Variants in FAM3C observed in about 807,000 individuals in gnomAD.
FAM3C encodes protein FAM3C.
Under a neutral mutation model 32.5 loss-of-function variants are expected in FAM3C, and 15 were observed. The observed-to-expected ratio is 0.46, with a 90% CI of 0.31 to 0.71. The LOEUF (loss-of-function observed/expected upper bound fraction) is 0.71, where lower values mean the gene tolerates loss of function less well. FAM3C is among the 30% of genes least tolerant of loss of function. FAM3C has a pLI of 0.05. For missense variants in FAM3C, 175 were observed against 274.4 expected, an observed-to-expected ratio of 0.64 and a Z score of 2.56; for synonymous variants, 75 against 86.1, an observed-to-expected ratio of 0.87 and a Z score of 0.72.
intron 1 of FAM3C, among the ~76,000 whole-genome samples, chr7:121,388,761 G>T (rs1307333861): frequency 6.6e-6 from 1 of 151,976 alleles, no homozygotes; most frequent in African/African-American, 2.4e-5. Flanking sequence ...ATCTAAATGT[G>T]GCTAAGAAAC....
chr7:121,370,549 C>A (rs950132206), intron 5 of FAM3C, among the ~76,000 whole-genome samples: 2 of 152,140 alleles, frequency 1.3e-5, no homozygotes, highest in Admixed American at 1.3e-4. Context: ...TTAAAAGCAA[C>A]CAACTAAAAG....
chr7:121,359,804 AAACAT>A (rs1316246595), intron 8 of FAM3C, among the ~76,000 whole-genome samples: 2 of 152,106 alleles, frequency 1.3e-5, no homozygotes, highest in Non-Finnish European at 2.9e-5. Flanking sequence ...TTAAAAAACA[AAACAT>A]AAAAGTATAA....
At chr7:121,388,371 A>C (rs1015308219) in intron 1 of FAM3C, among the ~76,000 whole-genome samples, 1 of 152,054 alleles carries the variant, frequency 6.6e-6, no homozygotes, top group African/African-American at 2.4e-5. Flanking sequence ...ATTTTTAAAG[A>C]ATCAAGCTAA....
At chr7:121,390,082 T>C (rs978344356) in intron 1 of FAM3C, among the ~76,000 whole-genome samples, 2 of 152,204 alleles carry the variant, frequency 1.3e-5, no homozygotes, top group African/African-American at 2.4e-5. Context: ...TGGTAAAAGA[T>C]CTGAAGAACT....
chr7:121,372,142 G>GA lies in FAM3C; in HGVS notation c.119-4dup, dbSNP rs57878748. On this transcript the variant is annotated splice_region_variant and splice_polypyrimidine_tract_variant and intron_variant, in intron 3 of 9. Transcript: ENST00000359943. The stretch of plus-strand genomic sequence containing the variant: ...AGCTGTGTCCAATGCTGATCTTGCT[G>GA]AAAAAAAAAAATTACTTTTGTTAGA... 28,875 of 1,219,630 alleles carry GA rather than the reference G, an allele frequency of 0.024. 6 individuals are homozygous for GA. Among genetic ancestry groups the GA allele is most frequent in the South Asian group, 0.033 (2,125 of 64,196 alleles). The allele number at this position is 1,219,630 out of a possible 1,614,324, so 75.6% of individuals were successfully genotyped here. A position where few individuals can be genotyped will look rare whatever the true frequency, so the allele number is the denominator to read the frequency against.
chr7:121,366,895 G>A (rs1181811954), intron 5 of FAM3C, among the ~76,000 whole-genome samples: 5 of 152,108 alleles, frequency 3.3e-5, no homozygotes, highest in Non-Finnish European at 7.4e-5. Flanking sequence ...TGTGATTAAC[G>A]GGTTAAGTGC....
At chr7:121,369,795 C>T (rs533581659) in intron 5 of FAM3C, among the ~76,000 whole-genome samples, 1 of 152,158 alleles carries the variant, frequency 6.6e-6, no homozygotes, top group East Asian at 1.9e-4. Context: ...CCATCCTAGA[C>T]AGAAGAGTAT....
At chr7:121,380,484 G>A (rs911958352) in intron 2 of FAM3C, among the ~76,000 whole-genome samples, 1 of 151,768 alleles carries the variant, frequency 6.6e-6, no homozygotes, top group Non-Finnish European at 1.5e-5. Flanking sequence ...ATAAGCAAAA[G>A]CTAAACACTG....
intron 2 of FAM3C, among the ~76,000 whole-genome samples, chr7:121,380,730 ATT>A (rs1176978213): frequency 3.9e-5 from 4 of 102,784 alleles, no homozygotes; most frequent in Non-Finnish European, 6.6e-5. Flanking sequence ...ATATACAAAC[ATT>A]TTATATATAT....
At chr7:121,354,499 T>G (rs531798748) in intron 8 of FAM3C, among the ~76,000 whole-genome samples, 2 of 152,296 alleles carry the variant, frequency 1.3e-5, no homozygotes, top group South Asian at 4.1e-4. Context: ...CAGGAATCTG[T>G]GGGTTCTGCC....
chr7:121,350,547 T>G lies in FAM3C; in HGVS notation c.598A>C (p.Ile200Leu). ...TTGTTTGTATCCTTATTGTTCTTTA[T>G]GTGCTATTGGAACACAGTAATAATA... is the stretch of plus-strand genomic sequence containing the variant. ...IKTKSPFEQH[I>L]KNNKDTNKYE... is the part of the protein sequence containing the mutation. Residue 200 changes from isoleucine (I) to leucine (L), a missense_variant, in exon 10 of 10, where the codon ATA becomes CTA. Coordinates refer to ENST00000359943, the MANE Select transcript of FAM3C (RefSeq NM_014888.3). 2 of 1,613,002 alleles carry G rather than the reference T, an allele frequency of 1.2e-6. No individual in the cohort carries two copies. The highest frequency in any genetic ancestry group is 2.7e-5 in the African/African-American group (2 of 74,998).
chr7:121,396,060 T>G (rs2116988190), intron 1 of FAM3C, 102 bp downstream of exon 1: 1 of 150,186 alleles, frequency 6.7e-6, no homozygotes, highest in African/African-American at 2.4e-5. Flanking sequence ...GTGACCGCAG[T>G]GCGCGGAGGC....
chr7:121,387,062 A>C (rs1794479707), intron 1 of FAM3C, among the ~76,000 whole-genome samples: 1 of 152,142 alleles, frequency 6.6e-6, no homozygotes, highest in African/African-American at 2.4e-5. Flanking sequence ...CAATTACGCC[A>C]CTCTGCAGTT....
At chr7:121,392,507 C>G (rs1357037284) in intron 1 of FAM3C, among the ~76,000 whole-genome samples, 1 of 152,184 alleles carries the variant, frequency 6.6e-6, no homozygotes, top group Admixed American at 6.5e-5. Flanking sequence ...TCCCTCGACA[C>G]ACAGGGATTA....
At chr7:121,362,006 T>C (rs1223792549) in intron 7 of FAM3C, among the ~76,000 whole-genome samples, 2 of 152,144 alleles carry the variant, frequency 1.3e-5, no homozygotes, top group African/African-American at 2.4e-5. Flanking sequence ...GCTGAAGATA[T>C]GTTGGAAAAG....
chr7:121,388,271 C>G (rs1484932843), intron 1 of FAM3C, among the ~76,000 whole-genome samples: 3 of 151,648 alleles, frequency 2.0e-5, no homozygotes, highest in African/African-American at 7.3e-5. Context: ...CTCACACACT[C>G]CTGTTGTACA....
intron 7 of FAM3C, among the ~76,000 whole-genome samples, chr7:121,360,415 C>T (rs575113364): frequency 6.6e-6 from 1 of 152,232 alleles, no homozygotes; most frequent in South Asian, 2.1e-4. Context: ...TAAAGCATGA[C>T]TTACGAAGTA....
chr7:121,360,780 A>G (rs1428804669), intron 7 of FAM3C, among the ~76,000 whole-genome samples: 1 of 152,156 alleles, frequency 6.6e-6, no homozygotes, highest in Non-Finnish European at 1.5e-5. Flanking sequence ...GGTTGCGGTG[A>G]GCTGAGATCA....
chr7:121,382,085 C>T (rs529843633), intron 2 of FAM3C, among the ~76,000 whole-genome samples: 3 of 152,020 alleles, frequency 2.0e-5, no homozygotes, highest in South Asian at 2.1e-4. Context: ...GTTGGGCACA[C>T]GCTTAGTAGA....
Sources: allele counts gnomAD v4.1 joint callset (sites outside exome capture counted in the v4.1 genomes callset), GRCh38; gene constraint gnomAD v4.1.1; transcripts MANE v1.5; gene names NCBI Gene and HGNC (gene_info 2026-07-23, HGNC 2026-07-21).